EXOC4: variants seen among roughly 807,000 people sequenced by gnomAD.
The protein encoded by EXOC4 is SEC8-like 1.
EXOC4 carries 71 observed loss-of-function variants against 107.2 expected under a neutral mutation model. The ratio of observed to expected loss-of-function variants is 0.66; its 90% CI spans 0.55 to 0.81. The LOEUF (loss-of-function observed/expected upper bound fraction) is 0.81. Ranked by LOEUF, EXOC4 falls within the 30% of genes least tolerant of loss-of-function variation. The pLI is 0.00. For missense variants in EXOC4, 1,108 were observed against 1,189.6 expected, an observed-to-expected ratio of 0.93 and a Z score of 1.01; for synonymous variants, 456 against 441.2, an observed-to-expected ratio of 1.03 and a Z score of -0.42.
chr7:133,762,778 GAA>G (rs1284368191), intron 10 of EXOC4, among the ~76,000 whole-genome samples: 1 of 152,012 alleles, frequency 6.6e-6, no homozygotes, highest in African/African-American at 2.4e-5. Flanking sequence ...TATAAGAAGT[GAA>G]TAATTTCCGA....
intron 10 of EXOC4, among the ~76,000 whole-genome samples, chr7:133,650,241 C>G (rs1803107311): frequency 6.6e-6 from 1 of 151,986 alleles, no homozygotes; most frequent in East Asian, 1.9e-4. Context: ...TAGTGAATTA[C>G]AGCTAGTCTA....
At chr7:133,884,593 G>A (rs1213849157) in intron 11 of EXOC4, among the ~76,000 whole-genome samples, 1 of 149,920 alleles carries the variant, frequency 6.7e-6, no homozygotes, top group Non-Finnish European at 1.5e-5. Context: ...GTGTGTGTGT[G>A]TGTGTGTGTG....
the EXOC4 span, among the ~76,000 whole-genome samples, chr7:134,082,286 T>A: frequency 6.6e-6 from 1 of 152,196 alleles, no homozygotes; most frequent in African/African-American, 2.4e-5. Context: ...GTTACTCCCC[T>A]TTTTATATAG....
intron 10 of EXOC4, among the ~76,000 whole-genome samples, chr7:133,669,068 G>C (rs1355790059): frequency 1.5e-5 from 2 of 131,506 alleles, no homozygotes; most frequent in Non-Finnish European, 3.1e-5. Flanking sequence ...TTTCTAGTTA[G>C]TAAGGCATGT....
At chr7:133,359,170 T>C (rs1219079263) in intron 6 of EXOC4, among the ~76,000 whole-genome samples, 1 of 152,202 alleles carries the variant, frequency 6.6e-6, no homozygotes, top group Non-Finnish European at 1.5e-5. Flanking sequence ...ATTTTGGGGC[T>C]GGGATTCCAA....
At chr7:133,465,276 T>C (rs1186818336) in intron 7 of EXOC4, among the ~76,000 whole-genome samples, 1 of 152,188 alleles carries the variant, frequency 6.6e-6, no homozygotes, top group East Asian at 1.9e-4. Flanking sequence ...GGAATATACT[T>C]TTGGATGTTG....
intron 10 of EXOC4, among the ~76,000 whole-genome samples, chr7:133,724,103 A>G (rs1209938492): frequency 1.3e-5 from 2 of 152,230 alleles, no homozygotes; most frequent in African/African-American, 4.8e-5. Flanking sequence ...CAGTTTAATG[A>G]TGATAGATTA....
chr7:134,055,175 C>G (rs1397396107), intron 17 of EXOC4, among the ~76,000 whole-genome samples: 3 of 152,186 alleles, frequency 2.0e-5, no homozygotes, highest in Admixed American at 2.0e-4. Context: ...AGTCTTGTGT[C>G]TCAGCAAGGC....
At chr7:133,362,320 C>T (rs978186581) in intron 6 of EXOC4, among the ~76,000 whole-genome samples, 7 of 152,184 alleles carry the variant, frequency 4.6e-5, no homozygotes, top group African/African-American at 1.7e-4. Flanking sequence ...CTGACACATA[C>T]TATACTGTAT....
At chr7:134,025,608 G>T (rs1795122268) in intron 17 of EXOC4, among the ~76,000 whole-genome samples, 1 of 152,204 alleles carries the variant, frequency 6.6e-6, no homozygotes, top group Admixed American at 6.5e-5. Context: ...CTGGTGATTT[G>T]GTGGGGACAA....
At chr7:133,837,571 A>T (rs906860972) in intron 11 of EXOC4, among the ~76,000 whole-genome samples, 1 of 152,228 alleles carries the variant, frequency 6.6e-6, no homozygotes, top group African/African-American at 2.4e-5. Flanking sequence ...CTCCATGCCC[A>T]AAACAGGGTG....
intron 17 of EXOC4, among the ~76,000 whole-genome samples, chr7:134,017,182 G>A (rs1354606861): frequency 6.6e-6 from 1 of 152,066 alleles, no homozygotes; most frequent in Non-Finnish European, 1.5e-5. Context: ...CCCAAGATTT[G>A]CCTTTAATAC....
At chr7:134,090,415 C>G in the EXOC4 span, among the ~76,000 whole-genome samples, 7 of 152,218 alleles carry the variant, frequency 4.6e-5, no homozygotes, top group Non-Finnish European at 8.8e-5. Flanking sequence ...AGGTACCCCT[C>G]TTTATGACAG....
chr7:133,930,315 C>T (rs1800148635), intron 13 of EXOC4: 1 of 152,162 alleles, frequency 6.6e-6, no homozygotes, highest in African/African-American at 2.4e-5. Flanking sequence ...CCTAGTGTTG[C>T]TTGACAATAT....
chr7:133,815,553 G>C (rs961999404), intron 10 of EXOC4, among the ~76,000 whole-genome samples: 1 of 152,142 alleles, frequency 6.6e-6, no homozygotes, highest in Non-Finnish European at 1.5e-5. Flanking sequence ...GCTTGCCGCT[G>C]TCTTATATGC....
At chr7:133,386,260 C>G (rs1222144280) in intron 7 of EXOC4, among the ~76,000 whole-genome samples, 1 of 152,168 alleles carries the variant, frequency 6.6e-6, no homozygotes, top group Non-Finnish European at 1.5e-5. Flanking sequence ...ATTAGATCAA[C>G]TGAATGTTCT....
intron 6 of EXOC4, among the ~76,000 whole-genome samples, chr7:133,371,381 A>G (rs1010551906): frequency 2.0e-5 from 3 of 152,174 alleles, no homozygotes; most frequent in Non-Finnish European, 1.5e-5. Context: ...CAAATCCCGT[A>G]TACTTATCAG....
intron 3 of EXOC4, among the ~76,000 whole-genome samples, chr7:133,289,887 G>A (rs1395473242): frequency 6.6e-6 from 1 of 152,160 alleles, no homozygotes; most frequent in Non-Finnish European, 1.5e-5. Context: ...GCAGCAGATG[G>A]GCTGTATTTG....
intron 6 of EXOC4, among the ~76,000 whole-genome samples, chr7:133,361,570 C>G (rs546807814): frequency 6.6e-6 from 1 of 152,186 alleles, no homozygotes; most frequent in African/African-American, 2.4e-5. Context: ...CTGTTGCCAA[C>G]TGTGCTTTGC....
Sources: gnomAD v4.1 joint callset for allele counts (sites outside exome capture counted in the v4.1 genomes callset) on GRCh38, gnomAD v4.1.1 for gene constraint, MANE v1.5 for transcripts, NCBI Gene and HGNC (gene_info 2026-07-23, HGNC 2026-07-21) for gene names.